The following SNAPC4 variants were observed in gnomAD, a reference collection of about 807,000 sequenced individuals.
SNAPC4 encodes small nuclear RNA activating complex polypeptide 4.
A neutral mutation model predicts 151.3 loss-of-function variants in SNAPC4; 127 were observed. That is an observed-to-expected ratio of 0.84 (90% CI 0.73 to 0.97). The LOEUF (loss-of-function observed/expected upper bound fraction) is 0.97, where lower values mean the gene tolerates loss of function less well. SNAPC4 is among the 50% of genes least tolerant of loss of function. SNAPC4 has a pLI of 0.00. For missense variants in SNAPC4, 2,186 were observed against 1,935.0 expected (o/e 1.13, Z -2.43); for synonymous variants, 1,002 against 824.4 (o/e 1.22, Z -3.69).
intron 11 of SNAPC4, 138 bp downstream of exon 11, chr9:136,388,306 G>A: frequency 1.4e-6 from 1 of 731,810 alleles, no homozygotes; most frequent in Non-Finnish European, 2.1e-6. Flanking sequence ...TCACCAAGAA[G>A]CGAACTGTGG....
rs558443363 is a variant in SNAPC4 at position 136,377,605 on chromosome 9, C to T, written c.4222G>A (p.Glu1408Lys). Residue 1408 changes from glutamate (E) to lysine (K), a missense_variant, in exon 22 of 24, where the codon GAG becomes AAG. Physicochemically the swap from Glu to Lys is moderately conservative, Grantham distance 56. Transcript: ENST00000684778. The part of the protein sequence containing the change: ...SESEDEDLLS[E>K]LELADRDGQP... ...CCGTCCCTGTCTGCAAGTTCCAGCT[C>T]ACTCAGGAGGTCTTCATCCTCACTC... The T allele has an allele frequency of 4.5e-6, 7 of 1,541,872 alleles. No individual in the cohort carries two copies. Among genetic ancestry groups the T allele is most frequent in the East Asian group, 2.3e-5 (1 of 43,996 alleles).
intron 6 of SNAPC4, 45 bp from the exon 7 acceptor site, chr9:136,394,375 C>T (rs771928618): frequency 2.0e-6 from 3 of 1,533,266 alleles, no homozygotes; most frequent in Non-Finnish European, 1.8e-6. Context: ...TGGATCCTCT[C>T]CACGGCCCAG....
intron 10 of SNAPC4, among the ~76,000 whole-genome samples, chr9:136,390,936 G>A (rs567420022): frequency 1.4e-3 from 210 of 151,820 alleles, no homozygotes; most frequent in Admixed American, 2.4e-3. Flanking sequence ...CCGGGTTCAC[G>A]CCATTCTCCT....
intron 18 of SNAPC4, 31 bp downstream of exon 18, chr9:136,381,793 A>G: frequency 1.9e-6 from 3 of 1,596,916 alleles, no homozygotes; most frequent in Non-Finnish European, 2.6e-6. Flanking sequence ...CCTCGCCCCC[A>G]GGATGCTCCC....
rs1833581446 is a variant in SNAPC4 at position 136,378,944 on chromosome 9, G to C, written c.2883C>G (p.Ala961=). 17 of 1,610,098 alleles carry C rather than the reference G, an allele frequency of 1.1e-5. No homozygotes were observed. The highest frequency in any genetic ancestry group is 1.4e-5 in the Non-Finnish European group (16 of 1,179,124). The change falls in exon 22 of 24, where the codon GCC becomes GCG. Residue 961 remains alanine, a synonymous_variant. Coordinates refer to ENST00000684778, the MANE Select transcript of SNAPC4 (RefSeq NM_003086.4). ...GCCAGGAGCCAGAAGTGCCAGGTTTGGCTGCCGCGGGGGCCCCAGGCCCAG... is the reference window on the plus strand; with the variant it reads ...GCCAGGAGCCAGAAGTGCCAGGTTTCGCTGCCGCGGGGGCCCCAGGCCCAG... ...PLSGPGAPAA[A]KPGTSGSWQE...
At position 136,378,468 on chromosome 9, in the gene SNAPC4, C is replaced by T. The variant is rs539899505; in HGVS notation, c.3359G>A (p.Arg1120Gln). The change falls in exon 22 of 24, where the codon CGG becomes CAG. Residue 1120 changes from arginine (R) to glutamine (Q), a missense_variant. By Grantham distance (43) the Arg-to-Gln change is conservative (BLOSUM62 1). Coordinates refer to ENST00000684778, the MANE Select transcript of SNAPC4 (RefSeq NM_003086.4). Reference sequence around the variant, plus strand: ...TGGGGCCCTGGGGCCCTGGGCCGCCCGAGTCTCAGTCAGGGGAGGCAGCAG... The same window carrying T: ...TGGGGCCCTGGGGCCCTGGGCCGCCTGAGTCTCAGTCAGGGGAGGCAGCAG... ...ATLLPPLTETRAAQGPRAPAL... is the reference protein window; with the variant it reads ...ATLLPPLTETQAAQGPRAPAL... 47 of 1,588,358 alleles carry T rather than the reference C, an allele frequency of 3.0e-5. No individual in the cohort carries two copies. In the South Asian group the frequency reaches 4.0e-4, roughly 14 times the overall value.
chr9:136,395,971 C>T (rs959082506), intron 3 of SNAPC4, among the ~76,000 whole-genome samples: 2 of 152,232 alleles, frequency 1.3e-5, no homozygotes, highest in African/African-American at 2.4e-5. Context: ...ACTCTCAAGG[C>T]GGCCTGTGTG....
intron 21 of SNAPC4, 120 bp from the exon 22 acceptor site, chr9:136,379,419 G>A: frequency 6.8e-7 from 1 of 1,470,096 alleles, no homozygotes. Context: ...TGAGCCAAGA[G>A]AGGGTCAAGC....
intron 1 of SNAPC4, among the ~76,000 whole-genome samples, chr9:136,399,879 G>A (rs1022353995): frequency 1.3e-5 from 2 of 152,086 alleles, no homozygotes; most frequent in Non-Finnish European, 2.9e-5. Context: ...CCCTGCAGCC[G>A]GGGCCGCCCC....
Position 136,377,938 on chromosome 9 carries a change from G to T in SNAPC4, c.3889C>A (p.Leu1297Met). The part of the protein sequence containing the change: ...GGQRGVRVPL[L>M]GSRLPYQPPA... ...GGCTGATAGGGCAGTCTGCTGCCCA[G>T]AAGAGGCACACGCACCCCCCGCTGG... Residue 1297 changes from leucine to methionine, a missense_variant, in exon 22 of 24, where the codon CTG (leucine) becomes ATG (methionine). Physicochemically the swap from Leu to Met is conservative, Grantham distance 15. Coordinates refer to ENST00000684778, the MANE Select transcript of SNAPC4 (RefSeq NM_003086.4). 1 of 1,607,354 alleles carries T rather than the reference G, an allele frequency of 6.2e-7. No individual in the cohort carries two copies. The highest frequency in any genetic ancestry group is 8.5e-7 in the Non-Finnish European group (1 of 1,177,364).
rs1002228518 is a variant in SNAPC4 at position 136,384,166 on chromosome 9, A to C, written c.1421-134T>G. The C allele has an allele frequency of 6.0e-6, 4 of 670,644 alleles. No individual in the cohort carries two copies. In the African/African-American group the frequency reaches 7.3e-5, roughly 12 times the overall value. 41.5% of individuals were successfully genotyped at this position (670,644 alleles called of 1,614,324 possible). ...TGTGCACTCTCACGCTGGGGGGTCAAGCATGTTGGGTGCCTACAATTTGGC... is the reference window on the plus strand; with the variant it reads ...TGTGCACTCTCACGCTGGGGGGTCACGCATGTTGGGTGCCTACAATTTGGC... On this transcript the variant is annotated intron_variant, in intron 14 of 23. Coordinates refer to ENST00000684778, the MANE Select transcript of SNAPC4 (RefSeq NM_003086.4).
In SNAPC4 at chr9:136,381,878, C is replaced by A; in HGVS notation, c.2263G>T (p.Val755Phe). The change falls in exon 18 of 24, where the codon GTT (valine) becomes TTT (phenylalanine). Residue 755 changes from valine to phenylalanine, a missense_variant. Coordinates refer to ENST00000684778, the MANE Select transcript of SNAPC4 (RefSeq NM_003086.4). ...LLAVTPWVGD[V>F]VVPCTQASQR... ...GAAGCCTGTGTGCAGGGCACGACAACGTCCCCTACCCAAGGGGTCACAGCC... is the reference window on the plus strand; with the variant it reads ...GAAGCCTGTGTGCAGGGCACGACAAAGTCCCCTACCCAAGGGGTCACAGCC... 3 of 1,612,882 alleles carry A rather than the reference C, an allele frequency of 1.9e-6. No individual in the cohort carries two copies. Among genetic ancestry groups the A allele is most frequent in the Non-Finnish European group, 2.5e-6 (3 of 1,179,992 alleles).
At chr9:136,388,093 C>T (rs1162892398) in intron 11 of SNAPC4, among the ~76,000 whole-genome samples, 3 of 152,116 alleles carry the variant, frequency 2.0e-5, no homozygotes, top group Admixed American at 2.0e-4. Flanking sequence ...CATGGTGAAA[C>T]CCCGTCTCTA....
rs758841430 is a variant in SNAPC4 at position 136,398,303 on chromosome 9, T to C, written c.126A>G (p.Glu42=). Residue 42 remains glutamate, a synonymous_variant, in exon 2 of 24, where the codon GAA becomes GAG. Transcript: ENST00000684778. ...GGCTAGGTACAAGGGGCTTACCTGCTTCAGAATCTGACTCGAGACTTGATT... is the reference window on the plus strand; with the variant it reads ...GGCTAGGTACAAGGGGCTTACCTGCCTCAGAATCTGACTCGAGACTTGATT... ...ISESSLESDS[E]ADSLPSEDLD... 6.2e-7 allele frequency: 1 copy of C among 1,613,244 alleles called. No homozygotes were observed. Among genetic ancestry groups the C allele is most frequent in the South Asian group, 1.1e-5 (1 of 91,066 alleles).
At chr9:136,394,114 C>T in intron 7 of SNAPC4, 135 bp downstream of exon 7, 3 of 751,226 alleles carry the variant, frequency 4.0e-6, no homozygotes, top group Non-Finnish European at 7.2e-6. Flanking sequence ...GATGGGGTCT[C>T]ACCATGTTGC....
chr9:136,377,268 A>T (rs1042087293), intron 22 of SNAPC4, among the ~76,000 whole-genome samples: 1 of 152,142 alleles, frequency 6.6e-6, no homozygotes, highest in Non-Finnish European at 1.5e-5. Context: ...AGACAAGGCC[A>T]CCTGGCTGGG....
At position 136,392,598 on chromosome 9, in the gene SNAPC4, G is replaced by A. The variant is rs771536657; in HGVS notation, c.738-4C>T. 5 of 1,613,886 alleles carry A rather than the reference G, an allele frequency of 3.1e-6. No homozygotes were observed. The South Asian group carries it at 3.3e-5, about 11-fold the overall frequency. ...CAAGGCCTCTTCTGGAAGCTGGCTG[G>A]TGGAAGGGATGAGGGTATTGGCACC... On this transcript the variant is annotated splice_polypyrimidine_tract_variant and splice_region_variant and intron_variant, in intron 8 of 23. Coordinates refer to ENST00000684778, the MANE Select transcript of SNAPC4 (RefSeq NM_003086.4).
rs752421428 is a variant in SNAPC4 at position 136,395,589 on chromosome 9, G to A, written c.345+14C>T. 22 of 1,605,138 alleles carry A rather than the reference G, an allele frequency of 1.4e-5. No homozygotes were observed. The Middle Eastern group carries it at 7.0e-4, about 51-fold the overall frequency. ...GGGGAGGTGTGGGCACCGGGGGGCC[G>A]AGGCCCATCCCACCTGCTGCTCCCG... On this transcript the variant is annotated intron_variant, in intron 4 of 23. Coordinates refer to ENST00000684778, the MANE Select transcript of SNAPC4 (RefSeq NM_003086.4).
intron 13 of SNAPC4, among the ~76,000 whole-genome samples, chr9:136,385,167 AAC>A (rs1381721926): frequency 6.6e-6 from 1 of 152,240 alleles, no homozygotes; most frequent in Non-Finnish European, 1.5e-5. Context: ...TATTTCTATG[AAC>A]AGTCACCAAC....
Sources: gnomAD v4.1 joint callset for allele counts (sites outside exome capture counted in the v4.1 genomes callset) on GRCh38, gnomAD v4.1.1 for gene constraint, MANE v1.5 for transcripts, NCBI Gene and HGNC (gene_info 2026-07-23, HGNC 2026-07-21) for gene names.